The following NEBL variants were observed in gnomAD, a reference collection of about 807,000 sequenced individuals.
NEBL encodes the protein nebulette.
Under a neutral mutation model 140.2 loss-of-function variants are expected in NEBL, and 122 were observed. The ratio of observed to expected loss-of-function variants is 0.87; its 90% confidence interval spans 0.75 to 1.01. The LOEUF (loss-of-function observed/expected upper bound fraction) is 1.01, where lower values mean the gene tolerates loss of function less well. Ranked by LOEUF, NEBL falls within the 50% of genes least tolerant of loss-of-function variation. The pLI is 0.00. For synonymous variants in NEBL, 436 were observed against 398.9 expected (o/e 1.09, Z -1.11); for missense variants, 1,365 against 1,231.3 (o/e 1.11, Z -1.62).
At chr10:21,020,160 G>C in exon 3 of NEBL, 1 of 1,614,124 alleles carries the variant, frequency 6.2e-7, no homozygotes, top group East Asian at 2.2e-5. Flanking sequence ...AAGATTTTCA[G>C]GTGTATCTGC....
At chr10:21,275,757 C>T (rs1455816824) in intron 1 of NEBL, among the ~76,000 whole-genome samples, 5 of 150,396 alleles carry the variant, frequency 3.3e-5, no homozygotes, top group African/African-American at 1.2e-4. Flanking sequence ...TCTCCTGCCT[C>T]GGCCTCCCGA....
At chr10:20,823,441 T>A in intron 18 of NEBL, 141 bp from the exon 19 acceptor site, 1 of 607,894 alleles carries the variant, frequency 1.6e-6, no homozygotes, top group Non-Finnish European at 2.8e-6. Flanking sequence ...ACATAATTCT[T>A]AATTTTATAT....
At chr10:20,822,194 C>A (rs1192811437) in intron 19 of NEBL, among the ~76,000 whole-genome samples, 2 of 152,082 alleles carry the variant, frequency 1.3e-5, no homozygotes, top group East Asian at 1.9e-4. Flanking sequence ...CTCCTACAAA[C>A]CTTGAGGATG....
At chr10:20,798,025 C>T (rs1392622848) in intron 26 of NEBL, among the ~76,000 whole-genome samples, 2 of 151,684 alleles carry the variant, frequency 1.3e-5, no homozygotes, top group Admixed American at 6.6e-5. Context: ...ATCCTTTGAC[C>T]TCAGGAGTTA....
chr10:21,277,142 A>G (rs964045139), intron 1 of NEBL, among the ~76,000 whole-genome samples: 3 of 151,944 alleles, frequency 2.0e-5, no homozygotes, highest in Admixed American at 6.6e-5. Flanking sequence ...AACAAAAACA[A>G]AAAAAAACAC....
At chr10:21,247,589 C>A (rs1287529667) in intron 3 of NEBL, among the ~76,000 whole-genome samples, 8 of 152,164 alleles carry the variant, frequency 5.3e-5, no homozygotes, top group Admixed American at 5.2e-4. Flanking sequence ...TCTGCTTCAT[C>A]CTCTACTGAA....
chr10:21,113,375 C>A, intron 2 of NEBL: 1 of 400,016 alleles, frequency 2.5e-6, no homozygotes, highest in Non-Finnish European at 4.6e-6. Context: ...AAAATGCAAA[C>A]AAACACAGAA....
intron 2 of NEBL, among the ~76,000 whole-genome samples, chr10:21,033,010 TAC>T (rs149596017): frequency 2.0e-5 from 3 of 151,868 alleles, no homozygotes; most frequent in Non-Finnish European, 2.9e-5. Flanking sequence ...GAGAAATTAA[TAC>T]ACACACACAC....
chr10:21,114,333 A>G (rs186967936), intron 2 of NEBL, among the ~76,000 whole-genome samples: 15 of 152,206 alleles, frequency 9.9e-5, no homozygotes, highest in Admixed American at 7.9e-4. Flanking sequence ...GATTTGTTTT[A>G]TGGCCCAAAA....
chr10:20,984,888 C>T (rs918239875), intron 3 of NEBL, among the ~76,000 whole-genome samples: 3 of 152,102 alleles, frequency 2.0e-5, no homozygotes, highest in Non-Finnish European at 2.9e-5. Context: ...TTCAGATCAG[C>T]GGTGGCATTA....
intron 1 of NEBL, among the ~76,000 whole-genome samples, chr10:21,283,324 A>G (rs1381666264): frequency 6.6e-6 from 1 of 152,172 alleles, no homozygotes; most frequent in African/African-American, 2.4e-5. Context: ...AGGCATGAAT[A>G]ATCCACCGCT....
chr10:21,064,423 T>C (rs1835439871), intron 2 of NEBL, among the ~76,000 whole-genome samples: 1 of 152,094 alleles, frequency 6.6e-6, no homozygotes, highest in Non-Finnish European at 1.5e-5. Context: ...GTAAACACAA[T>C]GGCCAAGGAT....
chr10:20,807,932 G>A (rs1018777450), intron 26 of NEBL, among the ~76,000 whole-genome samples: 1 of 150,802 alleles, frequency 6.6e-6, no homozygotes, highest in Non-Finnish European at 1.5e-5. Context: ...AAAAGAGTGG[G>A]TATATAAAAT....
intron 2 of NEBL, among the ~76,000 whole-genome samples, chr10:21,132,524 T>C (rs903337973): frequency 1.3e-5 from 2 of 152,220 alleles, no homozygotes; most frequent in Non-Finnish European, 2.9e-5. Context: ...TACTGGATCA[T>C]ATGGTAATTC....
At chr10:21,119,224 C>T (rs1229402017) in intron 2 of NEBL, among the ~76,000 whole-genome samples, 2 of 152,074 alleles carry the variant, frequency 1.3e-5, no homozygotes, top group African/African-American at 4.8e-5. Flanking sequence ...CATTTTTCTC[C>T]ACTACCTCAT....
intron 17 of NEBL, 110 bp downstream of exon 17, chr10:20,828,420 C>G: frequency 1.4e-6 from 1 of 713,658 alleles, no homozygotes; most frequent in South Asian, 1.6e-5. Flanking sequence ...ATACACTTGA[C>G]AGAAAATTCA....
intron 4 of NEBL, among the ~76,000 whole-genome samples, chr10:20,934,825 A>G (rs1460845585): frequency 6.6e-6 from 1 of 152,246 alleles, no homozygotes; most frequent in African/African-American, 2.4e-5. Flanking sequence ...ACCACAGCAC[A>G]TAAAATGCAC....
chr10:21,074,797 TG>T (rs1835992363), intron 2 of NEBL, among the ~76,000 whole-genome samples: 2 of 80,104 alleles, frequency 2.5e-5, no homozygotes, highest in African/African-American at 3.0e-4. Context: ...TATATATTTT[TG>T]TTGTTGTTGT....
At chr10:20,914,640 A>G (rs1848462958) in intron 4 of NEBL, among the ~76,000 whole-genome samples, 2 of 152,136 alleles carry the variant, frequency 1.3e-5, no homozygotes, top group Admixed American at 6.6e-5. Context: ...TATATTTTCC[A>G]GGTTTGTTAA....
Sources: allele counts gnomAD v4.1 joint callset (sites outside exome capture counted in the v4.1 genomes callset), GRCh38; gene constraint gnomAD v4.1.1; transcripts MANE v1.5; gene names NCBI Gene and HGNC (gene_info 2026-07-23, HGNC 2026-07-21).